Variants in RIBC2 observed in about 807,000 individuals in gnomAD.
RIBC2 encodes the protein RIB43A-like with coiled-coils protein 2.
In RIBC2, 40 loss-of-function variants were observed where a neutral mutation model predicts 44.3. That is an observed-to-expected ratio of 0.90 (90% confidence interval 0.70 to 1.18). The LOEUF is 1.18. RIBC2 is among the 50% of genes most tolerant of loss of function. RIBC2 has a pLI of 0.00. For synonymous variants in RIBC2, 171 were observed against 175.0 expected (o/e 0.98, Z 0.18); for missense variants, 459 against 485.5 (o/e 0.95, Z 0.51).
Position 45,426,176 on chromosome 22 carries a change from G to T in RIBC2, c.903+1G>T, listed in dbSNP as rs973440690. ...GAAGCAGCAAATCCAGGAGAAGCTG[G>T]TGACTGCCCCGCCCCTTTTTCCAGA... On this transcript the variant is annotated splice_donor_variant, in intron 5 of 6. Transcript: ENST00000614167. LOFTEE classifies it high-confidence loss of function. 1 of 1,611,520 alleles carries T rather than the reference G, an allele frequency of 6.2e-7. No individual in the cohort carries two copies. The highest frequency in any genetic ancestry group is 8.5e-7 in the Non-Finnish European group (1 of 1,178,924).
In RIBC2 at chr22:45,426,094, C is replaced by A. The variant is rs758763613; in HGVS notation, c.822C>A (p.Val274=). Residue 274 remains valine (V), a synonymous_variant, in exon 5 of 7, where the codon GTC becomes GTA. Coordinates refer to ENST00000614167, the MANE Select transcript of RIBC2 (RefSeq NM_015653.5). The part of the protein sequence containing the change: ...AASSFGPHRV[V]PDRWKGMTQE... ...GCTCCTTCGGGCCCCACCGCGTGGT[C>A]CCTGACCGCTGGAAGGGCATGACCC... 1.9e-6 allele frequency: 3 copies of A among 1,613,908 alleles called. No individual in the cohort carries two copies. The African/African-American group carries it at 4.0e-5, about 22-fold the overall frequency.
chr22:45,427,122 A>G (rs1032651933), intron 5 of RIBC2, among the ~76,000 whole-genome samples: 1 of 152,222 alleles, frequency 6.6e-6, no homozygotes, highest in African/African-American at 2.4e-5. Context: ...TTAGGATTAC[A>G]TTTGCCTGAA....
chr22:45,431,003 A>G lies in RIBC2; in HGVS notation c.1007A>G (p.Gln336Arg), dbSNP rs1337563629. ...TTTGAGCGGCAGCAGTGGCGGCGGC[A>G]GCGCGACCTGCGCAGAGCTCTGGAC... is the stretch of plus-strand genomic sequence containing the variant. Reference protein sequence around the residue: ...LLFERQQWRRQRDLRRALDSS... With the variant: ...LLFERQQWRRRRDLRRALDSS... The change falls in exon 6 of 7, where the codon CAG becomes CGG. Residue 336 changes from glutamine (Q) to arginine (R), a missense_variant. Gln to Arg is a conservative substitution (Grantham distance 43). Transcript: ENST00000614167. 2 of 1,593,570 alleles carry G rather than the reference A, an allele frequency of 1.3e-6. No homozygotes were observed. The highest frequency in any genetic ancestry group is 1.7e-6 in the Non-Finnish European group (2 of 1,170,732).
At chr22:45,418,126 C>T in intron 3 of RIBC2, 180 bp downstream of exon 3, 1 of 497,716 alleles carries the variant, frequency 2.0e-6, no homozygotes, top group Non-Finnish European at 3.5e-6. Context: ...CTACTTTGGC[C>T]CTGTGGGGAA....
intron 3 of RIBC2, among the ~76,000 whole-genome samples, chr22:45,421,724 TG>T (rs1462344660): frequency 6.6e-6 from 1 of 151,844 alleles, no homozygotes; most frequent in African/African-American, 2.4e-5. Flanking sequence ...TGGGCTGGGA[TG>T]TGAGCCTCCT....
intron 5 of RIBC2, among the ~76,000 whole-genome samples, chr22:45,428,785 G>A (rs778419354): frequency 1.3e-5 from 2 of 152,280 alleles, no homozygotes; most frequent in Admixed American, 6.5e-5. Context: ...GTCAGACAGT[G>A]CCCAGGGCCC....
chr22:45,421,544 TTAATAATAATAA>T (rs1213775385), intron 3 of RIBC2, among the ~76,000 whole-genome samples: 1 of 113,200 alleles, frequency 8.8e-6, no homozygotes, highest in Non-Finnish European at 1.9e-5. Flanking sequence ...ATTAATAATA[TTAATAATAATAA>T]TAGTATTATT....
intron 5 of RIBC2, among the ~76,000 whole-genome samples, chr22:45,428,511 G>A (rs1433180955): frequency 6.6e-6 from 1 of 152,180 alleles, no homozygotes; most frequent in Non-Finnish European, 1.5e-5. Context: ...GGGACATGGA[G>A]TGCTAGTTGA....
intron 2 of RIBC2, among the ~76,000 whole-genome samples, 193 bp from the exon 3 acceptor site, chr22:45,417,409 G>C (rs1303727832): frequency 1.3e-5 from 2 of 152,104 alleles, no homozygotes; most frequent in Admixed American, 6.6e-5. Context: ...CATGGGCTGG[G>C]TTCAGTGGCT....
rs774659274 is a variant in RIBC2, at chr22:45,430,913, A to T, written c.917A>T (p.Glu306Val). 1.9e-5 allele frequency: 31 copies of T among 1,590,452 alleles called. No individual in the cohort carries two copies. Among genetic ancestry groups the T allele is most frequent in the Middle Eastern group, 1.7e-4 (1 of 5,936 alleles). The change falls in exon 6 of 7, where the codon GAA becomes GTA. Residue 306 changes from glutamate to valine, a missense_variant. Physicochemically the swap from Glu to Val is moderately radical, Grantham distance 121. Transcript: ENST00000614167. ...QIQEKLRLQE[E>V]KRQRDLDWDR... ...TTTTCCTTCCAGAGGCTCCAGGAAG[A>T]AAAGCGCCAGCGAGACCTGGACTGG...
intron 4 of RIBC2, among the ~76,000 whole-genome samples, chr22:45,424,753 CTT>C (rs3071820): frequency 8.0e-5 from 10 of 124,364 alleles, no homozygotes; most frequent in Admixed American, 8.6e-5. Context: ...TTTCTTTTTT[CTT>C]TTTTTTTTTT....
intron 4 of RIBC2, among the ~76,000 whole-genome samples, chr22:45,425,568 C>A (rs1047970336): frequency 6.6e-6 from 1 of 152,208 alleles, no homozygotes; most frequent in Non-Finnish European, 1.5e-5. Flanking sequence ...GTTGAGCGTT[C>A]TTTGCAGCCC....
chr22:45,422,226 C>T (rs1199234304), intron 3 of RIBC2, 64 bp from the exon 4 acceptor site: 47 of 1,172,206 alleles, frequency 4.0e-5, no homozygotes, highest in East Asian at 7.0e-5. Flanking sequence ...AAGGCACGAA[C>T]GGCCACACGT....
chr22:45,418,008 T>TG lies in RIBC2; in HGVS notation c.556+62_556+63insG. 63 of 904,530 alleles carry TG rather than the reference T, an allele frequency of 7.0e-5. 1 individual carries two copies. Among genetic ancestry groups the TG allele is most frequent in the Middle Eastern group, 3.4e-4 (1 of 2,942 alleles). 56.0% of individuals were successfully genotyped at this position (904,530 alleles called of 1,614,324 possible). ...CTCTTCAACAAACCAACCCTACAGT[T>TG]TTTTTTTTTTTTTAAGCAACCCTAC... On this transcript the variant is annotated intron_variant, in intron 3 of 6. Coordinates refer to ENST00000614167, the MANE Select transcript of RIBC2 (RefSeq NM_015653.5).
At chr22:45,430,336 G>A (rs1164723457) in intron 5 of RIBC2, among the ~76,000 whole-genome samples, 1 of 152,192 alleles carries the variant, frequency 6.6e-6, no homozygotes, top group Non-Finnish European at 1.5e-5. Context: ...CTCTTCCAGG[G>A]CTCCAGAGTT....
intron 3 of RIBC2, among the ~76,000 whole-genome samples, chr22:45,418,701 G>A (rs1057289749): frequency 6.6e-6 from 1 of 152,120 alleles, no homozygotes; most frequent in East Asian, 1.9e-4. Flanking sequence ...AATGCACTCC[G>A]CCTTCTTGAG....
At chr22:45,424,598 G>T (rs1230525991) in intron 4 of RIBC2, among the ~76,000 whole-genome samples, 8 of 152,202 alleles carry the variant, frequency 5.3e-5, no homozygotes, top group Admixed American at 6.5e-5. Context: ...AGGCTGTGAG[G>T]CCTGTTCCTT....
intron 3 of RIBC2, among the ~76,000 whole-genome samples, chr22:45,420,128 C>A (rs777205110): frequency 1.3e-5 from 2 of 152,168 alleles, no homozygotes; most frequent in Non-Finnish European, 2.9e-5. Context: ...CAGAGACCTA[C>A]AACGCCTTCA....
intron 2 of RIBC2, 85 bp downstream of exon 2, chr22:45,414,488 CT>C (rs1378118815): frequency 0.043 from 28,476 of 661,934 alleles, 6 homozygotes; most frequent in East Asian, 0.051. Flanking sequence ...CCTGCCCCGC[CT>C]TTTTTTTTTT....
Sources: allele counts gnomAD v4.1 joint callset (sites outside exome capture counted in the v4.1 genomes callset), GRCh38; gene constraint gnomAD v4.1.1; transcripts MANE v1.5; gene names NCBI Gene and HGNC (gene_info 2026-07-23, HGNC 2026-07-21).